HSD17B2: variants seen among roughly 807,000 people sequenced by gnomAD.
The protein encoded by HSD17B2 is 17-beta-hydroxysteroid dehydrogenase type 2.
HSD17B2 carries 32 observed loss-of-function variants against 26.9 expected under a neutral mutation model. The ratio of observed to expected loss-of-function variants is 1.19; its 90% CI spans 0.90 to 1.60. The LOEUF is 1.60. Among genes scored for constraint, HSD17B2 ranks in the 40% most tolerant of loss-of-function variants. HSD17B2 has a pLI of 0.00. For synonymous variants in HSD17B2, 246 were observed against 186.7 expected, an observed-to-expected ratio of 1.32 and a Z score of -2.59; for missense variants, 613 against 468.6, an observed-to-expected ratio of 1.31 and a Z score of -2.85.
At position 82,074,916 on chromosome 16, in the gene HSD17B2, A is replaced by G. The variant is rs539678143; in HGVS notation, c.664+3789A>G. 2.6e-5 allele frequency among the ~76,000 whole-genome samples: 4 copies of G among 152,376 alleles called. No homozygotes were observed. In the South Asian group the frequency reaches 6.2e-4, roughly 24 times the overall value. On this transcript the variant is annotated intron_variant, in intron 3 of 4. Coordinates refer to ENST00000199936, the MANE Select transcript of HSD17B2 (RefSeq NM_002153.3). ...GAATATGCATTCTTCTCCTGAGCAC[A>G]TGGATCGTTCTCAAGGATAGACCAT...
intron 1 of HSD17B2, among the ~76,000 whole-genome samples, chr16:82,048,344 T>C (rs1038654470): frequency 6.6e-6 from 1 of 152,078 alleles, no homozygotes; most frequent in African/African-American, 2.4e-5. Context: ...TGAGATGAGC[T>C]GATAGCTCTG....
At chr16:82,070,350 T>C (rs896922313) in intron 2 of HSD17B2, among the ~76,000 whole-genome samples, 67 of 152,310 alleles carry the variant, frequency 4.4e-4, no homozygotes, top group Admixed American at 2.4e-3. Flanking sequence ...TACCACTGCA[T>C]AGCACTACGA....
At chr16:82,075,922 A>AG (rs1904298935) in intron 3 of HSD17B2, among the ~76,000 whole-genome samples, 1 of 150,946 alleles carries the variant, frequency 6.6e-6, no homozygotes, top group Non-Finnish European at 1.5e-5. Context: ...AAAAAAAAAA[A>AG]AAGAAAAGAA....
At chr16:82,069,827 G>C (rs976826971) in intron 2 of HSD17B2, among the ~76,000 whole-genome samples, 1 of 152,146 alleles carries the variant, frequency 6.6e-6, no homozygotes, top group African/African-American at 2.4e-5. Flanking sequence ...AGGAATGTTA[G>C]TTGGTGACAG....
chr16:82,083,793 T>G (rs962291278), intron 3 of HSD17B2, among the ~76,000 whole-genome samples: 1 of 152,202 alleles, frequency 6.6e-6, no homozygotes, highest in East Asian at 1.9e-4. Context: ...TTTGACCATG[T>G]CTACTACAGG....
rs147716733 is a variant in HSD17B2 at position 82,084,057 on chromosome 16, G to A, written c.665-6845G>A. 3.2e-4 allele frequency among the ~76,000 whole-genome samples: 49 copies of A among 152,174 alleles called. 1 individual carries two copies. In the East Asian group the frequency reaches 9.3e-3, roughly 29 times the overall value. On this transcript the variant is annotated intron_variant, in intron 3 of 4. Coordinates refer to ENST00000199936, the MANE Select transcript of HSD17B2 (RefSeq NM_002153.3). The stretch of plus-strand genomic sequence containing the variant: ...CATGCTATGCTCAAAAACAAGCCCT[G>A]CTAAAATGACCCAGGCCTCAGAGAT...
chr16:82,054,661 A>T (rs1010079601), intron 1 of HSD17B2, among the ~76,000 whole-genome samples: 13 of 152,110 alleles, frequency 8.5e-5, no homozygotes, highest in Non-Finnish European at 1.9e-4. Flanking sequence ...TATTCTTAAC[A>T]TACCACTTAG....
chr16:82,061,762 T>C (rs1359141047), intron 1 of HSD17B2, among the ~76,000 whole-genome samples: 2 of 152,266 alleles, frequency 1.3e-5, no homozygotes, highest in Non-Finnish European at 2.9e-5. Context: ...GAATACCTTC[T>C]TTTATTGATC....
intron 1 of HSD17B2, among the ~76,000 whole-genome samples, chr16:82,042,331 G>A (rs960700227): frequency 2.0e-5 from 3 of 152,036 alleles, no homozygotes; most frequent in Non-Finnish European, 2.9e-5. Flanking sequence ...TGACAGGCGT[G>A]AGCCACCACG....
rs114245559 is a variant in HSD17B2, at chr16:82,086,791, A to T, written c.665-4111A>T. Among the ~76,000 whole-genome samples the T allele has an allele frequency of 3.7e-3, 564 of 152,316 alleles. 5 individuals carry two copies. The highest frequency in any genetic ancestry group is 0.013 in the African/African-American group (550 of 41,574). On this transcript the variant is annotated intron_variant, in intron 3 of 4. Coordinates refer to ENST00000199936, the MANE Select transcript of HSD17B2 (RefSeq NM_002153.3). ...TCACAAATCGTGTGGCCTAAACAAC[A>T]CAAATTTATTTTCTCACAGTTATGC...
At chr16:82,065,357 G>A (rs996767620) in intron 1 of HSD17B2, among the ~76,000 whole-genome samples, 2 of 152,090 alleles carry the variant, frequency 1.3e-5, no homozygotes, top group African/African-American at 4.8e-5. Context: ...TATGTGCTCC[G>A]TAGAGTCAAG....
At chr16:82,087,497 C>T (rs1375168818) in intron 3 of HSD17B2, among the ~76,000 whole-genome samples, 4 of 152,096 alleles carry the variant, frequency 2.6e-5, no homozygotes, top group Non-Finnish European at 5.9e-5. Flanking sequence ...ACAATACTGC[C>T]ATTTCATAGG....
intron 1 of HSD17B2, among the ~76,000 whole-genome samples, chr16:82,064,471 G>A (rs1187069663): frequency 6.6e-6 from 1 of 152,032 alleles, no homozygotes; most frequent in Non-Finnish European, 1.5e-5. Context: ...ATGAACATTT[G>A]TGCACAGGTT....
chr16:82,074,133 G>A (rs1316932093), intron 3 of HSD17B2, among the ~76,000 whole-genome samples: 3 of 152,150 alleles, frequency 2.0e-5, no homozygotes, highest in East Asian at 3.8e-4. Context: ...CGATGCTGGG[G>A]TAACTGGCTA....
chr16:82,086,099 T>A (rs1904520370), intron 3 of HSD17B2, among the ~76,000 whole-genome samples: 1 of 152,178 alleles, frequency 6.6e-6, no homozygotes, highest in Admixed American at 6.6e-5. Context: ...AGAATTACTG[T>A]GTGACCTAGC....
intron 1 of HSD17B2, among the ~76,000 whole-genome samples, chr16:82,048,753 T>A (rs1286375501): frequency 6.6e-6 from 1 of 152,210 alleles, no homozygotes; most frequent in Non-Finnish European, 1.5e-5. Flanking sequence ...AGAAAGGCAA[T>A]TTACTTATAT....
intron 1 of HSD17B2, among the ~76,000 whole-genome samples, chr16:82,040,229 G>T (rs375251331): frequency 7.6e-6 from 1 of 131,208 alleles, no homozygotes; most frequent in Non-Finnish European, 1.8e-5. Flanking sequence ...TTACTGAACA[G>T]TCCAAATAAG....
At chr16:82,067,002 T>C (rs969154865) in intron 1 of HSD17B2, among the ~76,000 whole-genome samples, 3 of 152,252 alleles carry the variant, frequency 2.0e-5, no homozygotes, top group South Asian at 2.1e-4. Context: ...GGTCAAAAGA[T>C]AGGCCAATTC....
In HSD17B2 at chr16:82,035,633, C is replaced by G; in HGVS notation, c.209C>G (p.Thr70Ser). The change falls in exon 1 of 5, where the codon ACT (threonine) becomes AGT (serine). Residue 70 changes from threonine (T) to serine (S), a missense_variant. By Grantham distance (58) the Thr-to-Ser change is moderately conservative. Coordinates refer to ENST00000199936, the MANE Select transcript of HSD17B2 (RefSeq NM_002153.3). ...LFSVSCFLMY[T>S]YLSGQELLPV... ...TCGGTGTCATGCTTCCTCATGTATA[C>G]TTACTTATCTGGCCAAGAATTGTTA... 1 of 1,613,884 alleles carries G rather than the reference C, an allele frequency of 6.2e-7. No individual in the cohort carries two copies. The highest frequency in any genetic ancestry group is 8.5e-7 in the Non-Finnish European group (1 of 1,180,004).
Sources: allele counts gnomAD v4.1 joint callset (sites outside exome capture counted in the v4.1 genomes callset), GRCh38; gene constraint gnomAD v4.1.1; transcripts MANE v1.5; gene names NCBI Gene and HGNC (gene_info 2026-07-23, HGNC 2026-07-21).